EPM2A: variants seen among roughly 807,000 people sequenced by gnomAD.
The protein encoded by EPM2A is laforin.
Under a neutral mutation model 26.5 loss-of-function variants are expected in EPM2A, and 21 were observed. The observed-to-expected ratio is 0.79, with a 90% CI of 0.56 to 1.14. The LOEUF is 1.14. EPM2A is among the 50% of genes most tolerant of loss of function. The pLI is 0.00. For missense variants in EPM2A, 458 were observed against 440.8 expected, an observed-to-expected ratio of 1.04 and a Z score of -0.35; for synonymous variants, 217 against 177.6, an observed-to-expected ratio of 1.22 and a Z score of -1.76.
At chr6:145,384,729 A>G (rs1163636184) in intron 4 of EPM2A, among the ~76,000 whole-genome samples, 1 of 147,582 alleles carries the variant, frequency 6.8e-6, no homozygotes, top group Non-Finnish European at 1.5e-5. Flanking sequence ...TGAAATATGC[A>G]TCTGGATCCT....
chr6:145,475,797 TAC>T (rs1296220209), intron 4 of EPM2A, among the ~76,000 whole-genome samples: 1 of 151,476 alleles, frequency 6.6e-6, no homozygotes. Context: ...ATACAATGGA[TAC>T]ACACACACAC....
intron 4 of EPM2A, among the ~76,000 whole-genome samples, chr6:145,440,172 C>T (rs1483751558): frequency 1.3e-5 from 2 of 152,144 alleles, no homozygotes; most frequent in African/African-American, 4.8e-5. Context: ...GGAAGCCTCA[C>T]AATCATGGCA....
intron 4 of EPM2A, among the ~76,000 whole-genome samples, chr6:145,450,350 C>CAAAAAAAA (rs368618860): frequency 4.8e-5 from 3 of 62,492 alleles, no homozygotes; most frequent in Admixed American, 1.8e-4. Flanking sequence ...GACTCCGTCT[C>CAAAAAAAA]AAAAAAAAAA....
chr6:145,591,863 T>C (rs1405427647), intron 2 of EPM2A, among the ~76,000 whole-genome samples: 2 of 150,832 alleles, frequency 1.3e-5, no homozygotes, highest in Non-Finnish European at 1.5e-5. Context: ...ACTAGATGAG[T>C]AAAGCAAATG....
intron 2 of EPM2A, among the ~76,000 whole-genome samples, chr6:145,575,316 C>T (rs1005524336): frequency 1.4e-4 from 21 of 152,244 alleles, no homozygotes; most frequent in African/African-American, 2.4e-4. Flanking sequence ...CCATTCCTGG[C>T]GGCAGAGTCC....
chr6:145,546,646 C>G (rs766509202), intron 2 of EPM2A, among the ~76,000 whole-genome samples: 4 of 152,062 alleles, frequency 2.6e-5, no homozygotes, highest in Non-Finnish European at 4.4e-5. Flanking sequence ...ATTGTAGAAA[C>G]AGTGTTTAGT....
intron 2 of EPM2A, among the ~76,000 whole-genome samples, chr6:145,568,074 C>A (rs1476133574): frequency 1.3e-5 from 2 of 152,112 alleles, no homozygotes; most frequent in East Asian, 3.9e-4. Context: ...TAATTAATGT[C>A]ATTTATGTTA....
intron 1 of EPM2A, among the ~76,000 whole-genome samples, chr6:145,719,951 G>GT (rs11430307): frequency 0.63 from 95,800 of 151,938 alleles, 30,678 homozygotes; most frequent in East Asian, 0.74. Context: ...AAAATTTGAG[G>GT]TTAATAAAGT....
At chr6:145,581,073 A>T (rs1169952399) in intron 2 of EPM2A, among the ~76,000 whole-genome samples, 1 of 152,124 alleles carries the variant, frequency 6.6e-6, no homozygotes, top group Non-Finnish European at 1.5e-5. Flanking sequence ...TTCTATTTAA[A>T]TTATTTAAGT....
At chr6:145,517,388 CACAA>C (rs1439373894) in intron 2 of EPM2A, among the ~76,000 whole-genome samples, 2 of 152,030 alleles carry the variant, frequency 1.3e-5, no homozygotes, top group African/African-American at 4.8e-5. Flanking sequence ...GAACAAAAAT[CACAA>C]ACAAACAAAA....
intron 4 of EPM2A, among the ~76,000 whole-genome samples, chr6:145,488,798 T>C (rs1187203783): frequency 6.6e-6 from 1 of 152,150 alleles, no homozygotes; most frequent in Non-Finnish European, 1.5e-5. Context: ...AAAATACTAG[T>C]GCAACTTTCA....
At chr6:145,453,992 G>A (rs917825808) in intron 4 of EPM2A, among the ~76,000 whole-genome samples, 1 of 152,170 alleles carries the variant, frequency 6.6e-6, no homozygotes, top group African/African-American at 2.4e-5. Flanking sequence ...CACATCCTAT[G>A]AGTTTTTCAT....
intron 2 of EPM2A, among the ~76,000 whole-genome samples, chr6:145,540,209 C>T (rs886211226): frequency 2.6e-5 from 4 of 152,276 alleles, no homozygotes; most frequent in African/African-American, 9.6e-5. Context: ...TGATCTGTTG[C>T]CCTTGCTGTA....
intron 4 of EPM2A, among the ~76,000 whole-genome samples, chr6:145,437,909 C>T (rs9390321): frequency 0.79 from 120,894 of 152,190 alleles, 48,141 homozygotes; most frequent in East Asian, 0.91. Context: ...TAAACCTACA[C>T]TGAAAATGAA....
intron 2 of EPM2A, among the ~76,000 whole-genome samples, chr6:145,589,063 C>G (rs1204850627): frequency 1.3e-5 from 2 of 152,154 alleles, no homozygotes; most frequent in Admixed American, 1.3e-4. Context: ...TGGCTGTGAT[C>G]TAGATCTCTT....
intron 4 of EPM2A, among the ~76,000 whole-genome samples, chr6:145,489,185 C>A (rs1169190885): frequency 1.3e-5 from 2 of 152,100 alleles, no homozygotes; most frequent in African/African-American, 2.4e-5. Context: ...AGTAACAATG[C>A]AATGTTCGTC....
At chr6:145,419,485 A>T (rs1257026617) in intron 4 of EPM2A, among the ~76,000 whole-genome samples, 1 of 152,206 alleles carries the variant, frequency 6.6e-6, no homozygotes, top group Non-Finnish European at 1.5e-5. Context: ...ATGGTTGCAA[A>T]AGATTTTGAT....
intron 4 of EPM2A, among the ~76,000 whole-genome samples, chr6:145,464,762 T>C (rs1035331961): frequency 6.6e-6 from 1 of 152,098 alleles, no homozygotes; most frequent in Non-Finnish European, 1.5e-5. Context: ...TATAGGTAGA[T>C]ATGACAACTC....
chr6:145,594,092 C>T (rs1030510335), intron 2 of EPM2A, among the ~76,000 whole-genome samples: 4 of 151,680 alleles, frequency 2.6e-5, no homozygotes, highest in African/African-American at 9.7e-5. Flanking sequence ...TATTACTGAT[C>T]CATGGCTACT....
Sources: gnomAD v4.1 joint callset for allele counts (sites outside exome capture counted in the v4.1 genomes callset) on GRCh38, gnomAD v4.1.1 for gene constraint, MANE v1.5 for transcripts, NCBI Gene and HGNC (gene_info 2026-07-23, HGNC 2026-07-21) for gene names.